Variants in PDK3 observed in about 807,000 individuals in gnomAD.
The protein encoded by PDK3 is pyruvate dehydrogenase kinase, isozyme 3.
PDK3 carries 12 observed loss-of-function variants against 32.0 expected under a neutral mutation model. The observed-to-expected ratio is 0.37, with a 90% CI of 0.24 to 0.61. The LOEUF is 0.61. PDK3 is among the 20% of genes least tolerant of loss of function. The probability of loss-of-function intolerance (pLI) is 0.65; values close to 1 mark genes in which losing one functional copy is unlikely to be tolerated. For synonymous variants in PDK3, 122 were observed against 116.3 expected, an observed-to-expected ratio of 1.05 and a Z score of -0.31; for missense variants, 188 against 316.9, an observed-to-expected ratio of 0.59 and a Z score of 3.09.
intron 6 of PDK3, among the ~76,000 whole-genome samples, chrX:24,523,621 T>C (rs1286144804): frequency 8.9e-6 from 1 of 112,556 alleles, no homozygotes; most frequent in East Asian, 2.8e-4. Context: ...AGCTGTACTC[T>C]GGCCGGGTTC....
chrX:24,542,853 C>T (rs1176804112), exon 12 of PDK3, among the ~76,000 whole-genome samples: 5 of 112,319 alleles, frequency 4.5e-5, no homozygotes, highest in Admixed American at 9.5e-5. Context: ...GTTGGGTTTT[C>T]TTGCATATTT....
chrX:24,530,456 CTCTG>C (rs1922623826), intron 9 of PDK3, among the ~76,000 whole-genome samples: 1 of 111,851 alleles, frequency 8.9e-6, no homozygotes, highest in African/African-American at 3.2e-5. Flanking sequence ...CTTATAGCAG[CTCTG>C]AGGTCAGTTT....
chrX:24,531,083 G>GT, intron 9 of PDK3, among the ~76,000 whole-genome samples: 1 of 109,376 alleles, frequency 9.1e-6, no homozygotes, highest in African/African-American at 3.3e-5. Flanking sequence ...GTGTGTGTGT[G>GT]GAGATGGAGT....
intron 1 of PDK3, among the ~76,000 whole-genome samples, chrX:24,492,698 T>A (rs1013530404): frequency 2.7e-5 from 3 of 110,069 alleles, no homozygotes; most frequent in Non-Finnish European, 5.7e-5. Flanking sequence ...TCTATATTAT[T>A]TGAAGCAAAA....
chrX:24,544,564 A>G lies in PDK3; in HGVS notation c.*5400A>G, dbSNP rs147190161. Among the ~76,000 whole-genome samples the G allele has an allele frequency of 1.2e-4, 14 of 112,159 alleles. 1 individual carries two copies. In the East Asian group the frequency reaches 3.9e-3, roughly 31 times the overall value. On this transcript the variant is annotated 3_prime_UTR_variant, in exon 12 of 12. Coordinates refer to the PDK3 transcript ENST00000568479. ...CCAGTCCTGTTTTGCCAAGTTAACA[A>G]ATGATCAGTAGAGTCTTGGGAATCT...
chrX:24,514,035 C>T (rs776231659), intron 5 of PDK3, among the ~76,000 whole-genome samples: 46 of 111,610 alleles, frequency 4.1e-4, no homozygotes, highest in Non-Finnish European at 7.3e-4. Flanking sequence ...CATCCTAGTC[C>T]AGCCTCTCAT....
At chrX:24,505,146 C>A in intron 4 of PDK3, 63 bp from the exon 5 acceptor site, 1 of 788,135 alleles carries the variant, frequency 1.3e-6, no homozygotes, top group Non-Finnish European at 1.9e-6. Flanking sequence ...CCTATATTTC[C>A]CTGTGTGACC....
chrX:24,545,742 C>T (rs1922982628), exon 12 of PDK3: 2 of 111,489 alleles, frequency 1.8e-5, no homozygotes, highest in Non-Finnish European at 3.8e-5. Context: ...AGTCCTCCAT[C>T]GCAATACTGT....
intron 3 of PDK3, among the ~76,000 whole-genome samples, chrX:24,501,875 C>G (rs4898243): frequency 0.38 from 42,286 of 111,054 alleles, 5,733 homozygotes; most frequent in Middle Eastern, 0.41. Context: ...GATGCTGATA[C>G]GTGGAGAATA....
downstream of PDK3, among the ~76,000 whole-genome samples, chrX:24,535,520 A>AAAGAAG (rs1202108884): frequency 1.0e-5 from 1 of 99,981 alleles, no homozygotes. Flanking sequence ...AAAAAAAAAA[A>AAAGAAG]AAGAAGAAGA....
chrX:24,498,172 A>G (rs920938164), intron 2 of PDK3, among the ~76,000 whole-genome samples: 5 of 112,289 alleles, frequency 4.5e-5, no homozygotes, highest in Non-Finnish European at 7.5e-5. Context: ...CTTAAAATGT[A>G]TAAGTACATT....
chrX:24,494,099 C>T (rs1418348113), intron 1 of PDK3, among the ~76,000 whole-genome samples: 1 of 112,203 alleles, frequency 8.9e-6, no homozygotes, highest in African/African-American at 3.2e-5. Flanking sequence ...CACATCTTAC[C>T]CTCTCCGATG....
chrX:24,543,630 G>A lies in PDK3; in HGVS notation c.*4466G>A, dbSNP rs1456056120. Among the ~76,000 whole-genome samples, 37 of 110,026 alleles carry A rather than the reference G, an allele frequency of 3.4e-4. No individual in the cohort carries two copies. In the Admixed American group the frequency reaches 3.6e-3, roughly 11 times the overall value. ...ATGCCTGGCTAATTTTTGTATTTTA[G>A]TAGAGACAGGGTTTCACCATGTTGC... On this transcript the variant is annotated 3_prime_UTR_variant, in exon 12 of 12. Transcript: ENST00000568479.
intron 1 of PDK3, among the ~76,000 whole-genome samples, chrX:24,472,036 A>G: frequency 8.9e-6 from 1 of 112,286 alleles, no homozygotes; most frequent in East Asian, 2.8e-4. Context: ...ACTTACTGGT[A>G]TGATAGATCT....
chrX:24,548,932 C>T (rs1490287514), exon 12 of PDK3: 1 of 111,533 alleles, frequency 9.0e-6, no homozygotes, highest in Non-Finnish European at 1.9e-5. Flanking sequence ...TATCGTGGCA[C>T]CGCTTTCTTA....
Position 24,489,600 on chromosome X carries a change from G to T in PDK3, c.107-5142G>T, listed in dbSNP as rs187282536. On this transcript the variant is annotated intron_variant, in intron 1 of 10. Coordinates refer to ENST00000379162, the MANE Select transcript of PDK3 (RefSeq NM_005391.5). Reference sequence around the variant, plus strand: ...CTCAGGAGGCTGAGGCAGGAGAATCGTTTGAACCCAGGAGGCGTAGGTTGC... The same window carrying T: ...CTCAGGAGGCTGAGGCAGGAGAATCTTTTGAACCCAGGAGGCGTAGGTTGC... Among the ~76,000 whole-genome samples the T allele has an allele frequency of 3.5e-3, 360 of 104,126 alleles. 1 individual carries two copies. Among genetic ancestry groups the T allele is most frequent in the African/African-American group, 0.011 (319 of 28,307 alleles). 90.4% of individuals were successfully genotyped at this position (104,126 alleles called of 115,157 possible).
At chrX:24,493,456 G>T (rs956300818) in intron 1 of PDK3, among the ~76,000 whole-genome samples, 1 of 111,521 alleles carries the variant, frequency 9.0e-6, no homozygotes, top group Non-Finnish European at 1.9e-5. Flanking sequence ...TCTCTGACTT[G>T]CTGCCTTCAT....
At chrX:24,510,583 C>T (rs765449274) in intron 5 of PDK3, among the ~76,000 whole-genome samples, 6 of 110,317 alleles carry the variant, frequency 5.4e-5, no homozygotes, top group South Asian at 7.5e-4. Context: ...TCTTTGTCTC[C>T]GTGAAATCCA....
At chrX:24,521,159 A>G (rs755793423) in intron 6 of PDK3, among the ~76,000 whole-genome samples, 1 of 108,591 alleles carries the variant, frequency 9.2e-6, no homozygotes, top group East Asian at 2.9e-4. Flanking sequence ...TGTGCCTGTA[A>G]TCTCAGCTAC....
Sources: allele counts gnomAD v4.1 joint callset (sites outside exome capture counted in the v4.1 genomes callset), GRCh38; gene constraint gnomAD v4.1.1; transcripts MANE v1.5; gene names NCBI Gene and HGNC (gene_info 2026-07-23, HGNC 2026-07-21).